The following KIF18A variants were observed in gnomAD, a reference collection of about 807,000 sequenced individuals.
KIF18A encodes the protein kinesin-like protein KIF18A.
In KIF18A, 67 loss-of-function variants were observed where a neutral mutation model predicts 103.3. The observed-to-expected ratio is 0.65, with a 90% CI of 0.53 to 0.79. KIF18A has a LOEUF of 0.79. KIF18A is among the 30% of genes least tolerant of loss of function. The pLI is 0.00. For synonymous variants in KIF18A, 367 were observed against 355.5 expected (o/e 1.03, Z -0.36); for missense variants, 1,032 against 1,062.5 (o/e 0.97, Z 0.40).
Position 28,035,410 on chromosome 11 carries a change from G to C in KIF18A, c.2481C>G (p.Ala827=). 1 of 1,597,714 alleles carries C rather than the reference G, an allele frequency of 6.3e-7. No homozygotes were observed. Among genetic ancestry groups the C allele is most frequent in the Middle Eastern group, 1.7e-4 (1 of 5,994 alleles). Residue 827 remains alanine (A), a synonymous_variant, in exon 15 of 17, where the codon GCC becomes GCG. Transcript: ENST00000263181. ...ACCTTGTTAATTTCCGTTTCCTTTT[G>C]GCAGCAGTAGTCATTGCCATGTAGG... ...VPSYMAMTTA[A]KRKRKLTSST...
intron 13 of KIF18A, among the ~76,000 whole-genome samples, chr11:28,057,304 A>C (rs1850793697): frequency 6.6e-6 from 1 of 152,108 alleles, no homozygotes; most frequent in African/African-American, 2.4e-5. Flanking sequence ...TCACGAGGTC[A>C]GGAGATTGAG....
Position 28,021,117 on chromosome 11 carries a change from T to C in KIF18A, c.*83A>G. The C allele has an allele frequency of 7.9e-7, 1 of 1,273,560 alleles. No individual in the cohort carries two copies. 78.9% of individuals were successfully genotyped at this position (1,273,560 alleles called of 1,614,324 possible). A position where few individuals can be genotyped will look rare whatever the true frequency, so the allele number is the denominator to read the frequency against. On this transcript the variant is annotated 3_prime_UTR_variant, in exon 17 of 17. Transcript: ENST00000263181. Reference sequence around the variant, plus strand: ...TTTAAGATGGGTCTTCTTTCAAAGATTTTAAATATATTTTTGAAAGGGTAT... The same window carrying C: ...TTTAAGATGGGTCTTCTTTCAAAGACTTTAAATATATTTTTGAAAGGGTAT...
rs149362645 is a variant in KIF18A, at chr11:28,033,748, G to A, written c.2504+1639C>T. Reference sequence around the variant, plus strand: ...GGAGATTGGGGAGGATGGTTAATGGGGGGATGCTTAATCTAAATATAACGA... The same window carrying A: ...GGAGATTGGGGAGGATGGTTAATGGAGGGATGCTTAATCTAAATATAACGA... On this transcript the variant is annotated intron_variant, in intron 15 of 16. Transcript: ENST00000263181. Among the ~76,000 whole-genome samples, 663 of 151,538 alleles carry A rather than the reference G, an allele frequency of 4.4e-3. 8 individuals carry two copies. The highest frequency in any genetic ancestry group is 0.014 in the African/African-American group (593 of 41,372).
At chr11:28,090,504 C>T (rs1257652553) in intron 5 of KIF18A, 113 bp downstream of exon 5, 3 of 623,494 alleles carry the variant, frequency 4.8e-6, no homozygotes, top group African/African-American at 3.7e-5. Flanking sequence ...AAAGTACTGA[C>T]AAGTGAAGTC....
chr11:28,084,949 G>A, intron 6 of KIF18A, 141 bp from the exon 7 acceptor site: 5 of 576,982 alleles, frequency 8.7e-6, no homozygotes, highest in Non-Finnish European at 1.5e-5. Context: ...TCAGTATAAT[G>A]AAAAAAATAG....
chr11:28,023,442 A>G (rs1009176126), intron 16 of KIF18A, among the ~76,000 whole-genome samples: 6 of 152,184 alleles, frequency 3.9e-5, no homozygotes, highest in African/African-American at 9.7e-5. Flanking sequence ...ACATTTAGCC[A>G]ATTATTTCAA....
At chr11:28,068,910 C>T (rs1850972796) in intron 11 of KIF18A, among the ~76,000 whole-genome samples, 1 of 152,102 alleles carries the variant, frequency 6.6e-6, no homozygotes, top group Non-Finnish European at 1.5e-5. Context: ...GGTGGAATAT[C>T]TTCAGTTACA....
At chr11:28,045,478 T>C (rs1384055913) in intron 13 of KIF18A, among the ~76,000 whole-genome samples, 1 of 151,782 alleles carries the variant, frequency 6.6e-6, no homozygotes, top group Non-Finnish European at 1.5e-5. Flanking sequence ...TTACTTCTAA[T>C]AAATGTTTTA....
intron 13 of KIF18A, among the ~76,000 whole-genome samples, chr11:28,056,535 T>C (rs1344093873): frequency 2.6e-5 from 4 of 151,732 alleles, no homozygotes; most frequent in Admixed American, 6.6e-5. Flanking sequence ...ACAAAAGCAA[T>C]AGGTGAGGAG....
chr11:28,036,188 A>G, intron 14 of KIF18A, 29 bp downstream of exon 14: 3 of 1,438,306 alleles, frequency 2.1e-6, no homozygotes, highest in Admixed American at 4.4e-5. Context: ...GTTAAAAAAA[A>G]AGAATTGGCA....
intron 13 of KIF18A, among the ~76,000 whole-genome samples, chr11:28,053,924 T>TAA (rs34579022): frequency 7.2e-6 from 1 of 138,642 alleles, no homozygotes; most frequent in Non-Finnish European, 1.5e-5. Flanking sequence ...CTGGTGAGGC[T>TAA]AAAAAAAAAA....
At chr11:28,077,579 A>G (rs1215579000) in intron 9 of KIF18A, among the ~76,000 whole-genome samples, 2 of 152,208 alleles carry the variant, frequency 1.3e-5, no homozygotes, top group African/African-American at 4.8e-5. Flanking sequence ...TATTAGCAAC[A>G]CAGCATTATG....
intron 13 of KIF18A, among the ~76,000 whole-genome samples, chr11:28,050,856 G>A (rs1254976909): frequency 4.6e-5 from 7 of 151,668 alleles, no homozygotes; most frequent in African/African-American, 9.7e-5. Flanking sequence ...AAGATTTCAC[G>A]TCAAATAAAT....
At chr11:28,102,364 C>T (rs377365658) in intron 1 of KIF18A, among the ~76,000 whole-genome samples, 51 of 152,264 alleles carry the variant, frequency 3.3e-4, no homozygotes, top group Admixed American at 1.0e-3. Flanking sequence ...TTACCTATAG[C>T]TTGGAAGCCC....
At position 28,036,665 on chromosome 11, in the gene KIF18A, C is replaced by A; in HGVS notation, c.1949-1G>T. On this transcript the variant is annotated splice_acceptor_variant, in intron 13 of 16. Coordinates refer to ENST00000263181, the MANE Select transcript of KIF18A (RefSeq NM_031217.4). LOFTEE classifies it high-confidence loss of function. ...AGATTAGTTCCACCTGAAGATGAGC[C>A]TATTCAAAAAAATAAAAAAAGACAC... 1 of 1,534,888 alleles carries A rather than the reference C, an allele frequency of 6.5e-7. No homozygotes were observed.
chr11:28,079,137 A>G (rs988528802), intron 9 of KIF18A, among the ~76,000 whole-genome samples: 1 of 152,056 alleles, frequency 6.6e-6, no homozygotes, highest in African/African-American at 2.4e-5. Flanking sequence ...GGGCCTTACC[A>G]GAAAGAAAGG....
intron 13 of KIF18A, among the ~76,000 whole-genome samples, chr11:28,042,301 T>C (rs1850570491): frequency 6.6e-6 from 1 of 151,898 alleles, no homozygotes; most frequent in Non-Finnish European, 1.5e-5. Context: ...TTTAAGTTGG[T>C]AGAATGATGT....
intron 10 of KIF18A, among the ~76,000 whole-genome samples, chr11:28,069,707 C>G (rs1332870350): frequency 6.7e-6 from 1 of 148,402 alleles, no homozygotes; most frequent in South Asian, 2.1e-4. Flanking sequence ...TTTTTTTTGG[C>G]GTTAAAGTAC....
intron 10 of KIF18A, among the ~76,000 whole-genome samples, chr11:28,074,037 C>T (rs1400235564): frequency 3.3e-5 from 5 of 151,956 alleles, no homozygotes; most frequent in African/African-American, 1.2e-4. Context: ...AATATAAGTG[C>T]TAATAATTGA....
Sources: gnomAD v4.1 joint callset for allele counts (sites outside exome capture counted in the v4.1 genomes callset) on GRCh38, gnomAD v4.1.1 for gene constraint, MANE v1.5 for transcripts, NCBI Gene and HGNC (gene_info 2026-07-23, HGNC 2026-07-21) for gene names.